Variants in PCDHGB3 observed in about 807,000 individuals in gnomAD.
PCDHGB3 encodes protocadherin gamma-B3.
A neutral mutation model predicts 59.2 loss-of-function variants in PCDHGB3; 40 were observed. The observed-to-expected ratio is 0.68, with a 90% CI of 0.52 to 0.88. The LOEUF (loss-of-function observed/expected upper bound fraction) is 0.88. Among genes scored for constraint, PCDHGB3 ranks in the 40% least tolerant of loss-of-function variants. The probability of loss-of-function intolerance (pLI) is 0.00; values close to 1 mark genes in which losing one functional copy is unlikely to be tolerated. For synonymous variants in PCDHGB3, 581 were observed against 503.6 expected, an observed-to-expected ratio of 1.15 and a Z score of -2.06; for missense variants, 1,309 against 1,187.9, an observed-to-expected ratio of 1.10 and a Z score of -1.50.
Position 141,432,028 on chromosome 5 carries a change from C to T in PCDHGB3, c.2415+59219C>T, listed in dbSNP as rs776543767. ...TTCCTAGCTACAACATCACAGTGAC[C>T]GCCACTGACCGGGGAACCCCGCCCC... On this transcript the variant is annotated intron_variant, in intron 1 of 3. Coordinates refer to ENST00000576222, the MANE Select transcript of PCDHGB3 (RefSeq NM_018924.5). The surrounding 1 kb of genome is among the most constrained non-coding windows in gnomAD (Gnocchi z 6.0). The T allele has an allele frequency of 1.1e-5, 18 of 1,614,050 alleles. No individual in the cohort carries two copies. The highest frequency in any genetic ancestry group is 9.9e-5 in the South Asian group (9 of 91,090).
chr5:141,403,961 G>T (rs763967342), intron 1 of PCDHGB3: 14 of 1,613,774 alleles, frequency 8.7e-6, no homozygotes, highest in Middle Eastern at 1.6e-4. Context: ...GCTCATTTCG[G>T]TGGAAGATGT....
At position 141,487,276 on chromosome 5, in the gene PCDHGB3, C is replaced by G; in HGVS notation, c.2416-7531C>G. On this transcript the variant is annotated intron_variant, in intron 1 of 3. Coordinates refer to ENST00000576222, the MANE Select transcript of PCDHGB3 (RefSeq NM_018924.5). The surrounding 1 kb of genome is among the most constrained non-coding windows in gnomAD (Gnocchi z 5.0). ...TGGCTGTGTCCCTAGTGGCAATTTG[C>G]TTTGTCTCCTTTGGCTCATTCGTGG... 1 of 1,614,158 alleles carries G rather than the reference C, an allele frequency of 6.2e-7. No homozygotes were observed. The highest frequency in any genetic ancestry group is 1.1e-5 in the South Asian group (1 of 91,082).
intron 1 of PCDHGB3, among the ~76,000 whole-genome samples, chr5:141,473,948 A>ACC (rs2099333859): frequency 1.3e-5 from 2 of 152,182 alleles, no homozygotes; most frequent in Non-Finnish European, 2.9e-5. Context: ...TCAGGCCTGT[A>ACC]GTCCCATCTA....
intron 1 of PCDHGB3, among the ~76,000 whole-genome samples, chr5:141,406,616 T>C (rs1226509680): frequency 1.3e-5 from 2 of 152,242 alleles, no homozygotes; most frequent in Non-Finnish European, 2.9e-5. Flanking sequence ...ACATCTTTTA[T>C]TCTCATATCT....
At position 141,476,140 on chromosome 5, in the gene PCDHGB3, C is replaced by A. The variant is rs1410430310; in HGVS notation, c.2416-18667C>A. On this transcript the variant is annotated intron_variant, in intron 1 of 3. Coordinates refer to ENST00000576222, the MANE Select transcript of PCDHGB3 (RefSeq NM_018924.5). The surrounding 1 kb of genome is among the most constrained non-coding windows in gnomAD (Gnocchi z 7.6). ...AGATGGTCCCAGAGGCCTGGAGGAG[C>A]GGACTGGTAAGCACCGGGAGGGTAG... 6 of 1,609,222 alleles carry A rather than the reference C, an allele frequency of 3.7e-6. No homozygotes were observed. The highest frequency in any genetic ancestry group is 5.1e-6 in the Non-Finnish European group (6 of 1,178,484).
chr5:141,394,189 C>G lies in PCDHGB3; in HGVS notation c.2415+21380C>G, dbSNP rs543330174. The stretch of plus-strand genomic sequence containing the variant: ...ACTTTCCCTCATGCCTCCTACTCAG[C>G]GTATATCCTAGAGAACAACCTGAGA... On this transcript the variant is annotated intron_variant, in intron 1 of 3. Coordinates refer to ENST00000576222, the MANE Select transcript of PCDHGB3 (RefSeq NM_018924.5). 4 of 1,613,892 alleles carry G rather than the reference C, an allele frequency of 2.5e-6. No homozygotes were observed. The East Asian group carries it at 6.7e-5, about 27-fold the overall frequency.
intron 1 of PCDHGB3, chr5:141,419,278 A>G: frequency 6.2e-7 from 1 of 1,614,038 alleles, no homozygotes; most frequent in Non-Finnish European, 8.5e-7. Context: ...CCATAGCGCA[A>G]GTCAGTGCCT....
At chr5:141,509,968 C>A (rs1450809995) in intron 3 of PCDHGB3, among the ~76,000 whole-genome samples, 1 of 152,166 alleles carries the variant, frequency 6.6e-6, no homozygotes, top group Non-Finnish European at 1.5e-5. Context: ...TGGCCTTGGT[C>A]CTTCTAACAC....
At chr5:141,392,979 C>T (rs1356713892) in intron 1 of PCDHGB3, 4 of 1,613,718 alleles carry the variant, frequency 2.5e-6, no homozygotes, top group Admixed American at 1.7e-5. Context: ...GGGGCTGGAC[C>T]CCCGGAAGCT....
chr5:141,480,712 A>G (rs559266864), intron 1 of PCDHGB3, among the ~76,000 whole-genome samples: 13 of 152,306 alleles, frequency 8.5e-5, no homozygotes, highest in African/African-American at 2.9e-4. Context: ...CCGACAAATG[A>G]AAGCACAGTC....
In PCDHGB3 at chr5:141,381,826, C is replaced by CTTCTTTTT. The variant is rs1777532522; in HGVS notation, c.2415+9019_2415+9020insCTTTTTTT. 1.5e-3 allele frequency among the ~76,000 whole-genome samples: 109 copies of CTTCTTTTT among 74,300 alleles called. 1 individual carries two copies. Among genetic ancestry groups the CTTCTTTTT allele is most frequent in the African/African-American group, 6.4e-3 (104 of 16,204 alleles). 48.7% of individuals were successfully genotyped at this position (74,300 alleles called of 152,430 possible). On this transcript the variant is annotated intron_variant, in intron 1 of 3. Transcript: ENST00000576222. ...TTTCTTTCTTTCTTTCTTTCTTCTT[C>CTTCTTTTT]TTTTTTTTTTTTTTTTTTTTTTGGC...
chr5:141,388,930 C>G, intron 1 of PCDHGB3: 1 of 1,614,002 alleles, frequency 6.2e-7, no homozygotes, highest in South Asian at 1.1e-5. Flanking sequence ...ATATTCCAGT[C>G]TCTACCCAAC....
intron 1 of PCDHGB3, among the ~76,000 whole-genome samples, chr5:141,463,438 C>CTTTTTTTTT (rs71576115): frequency 4.8e-5 from 5 of 103,252 alleles, no homozygotes; most frequent in African/African-American, 2.2e-4. Context: ...TTTCCTTCTC[C>CTTTTTTTTT]TTTTTTTTTT....
intron 1 of PCDHGB3, chr5:141,384,779 G>T (rs1252058358): frequency 6.2e-7 from 1 of 1,613,592 alleles, no homozygotes; most frequent in Non-Finnish European, 8.5e-7. Context: ...GGCGAGGTGC[G>T]CACGGCTCGG....
intron 1 of PCDHGB3, chr5:141,423,740 G>T: frequency 1.4e-6 from 1 of 698,992 alleles, no homozygotes; most frequent in Non-Finnish European, 1.8e-6. Flanking sequence ...AGCCTGTTAT[G>T]AAAACTGTTT....
At chr5:141,474,090 AAACAACAACAAAAAC>A (rs1459798801) in intron 1 of PCDHGB3, among the ~76,000 whole-genome samples, 1 of 152,206 alleles carries the variant, frequency 6.6e-6, no homozygotes, top group African/African-American at 2.4e-5. Flanking sequence ...ACCAAAAAAC[AAACAACAACAAAAAC>A]AACAACAACG....
At chr5:141,373,914 G>C (rs1769957437) in intron 1 of PCDHGB3, 1 of 640,042 alleles carries the variant, frequency 1.6e-6, no homozygotes, top group African/African-American at 1.9e-5. Flanking sequence ...CAACAACAAA[G>C]CAAATTAGAC....
At chr5:141,375,731 C>T (rs370856492) in intron 1 of PCDHGB3, 146 of 1,614,138 alleles carry the variant, frequency 9.0e-5, no homozygotes, top group Non-Finnish European at 1.2e-4. Context: ...GTCACTGAGC[C>T]TGTTTGTGCT....
rs780788394 is a variant in PCDHGB3 at position 141,491,675 on chromosome 5, C to T, written c.2416-3132C>T. ...GAGCCTGACGCCATCCGGTCCCGCT[C>T]TAATACGCTGCGGGAGCGGAGCCAG... On this transcript the variant is annotated intron_variant, in intron 1 of 3. Transcript: ENST00000576222. The surrounding 1 kb of genome is among the most constrained non-coding windows in gnomAD (Gnocchi z 6.9). 6 of 1,613,450 alleles carry T rather than the reference C, an allele frequency of 3.7e-6. No homozygotes were observed. The African/African-American group carries it at 8.0e-5, about 22-fold the overall frequency.
Sources: allele counts gnomAD v4.1 joint callset (sites outside exome capture counted in the v4.1 genomes callset), GRCh38; gene constraint gnomAD v4.1.1; non-coding constraint Gnocchi (gnomAD v3.1); transcripts MANE v1.5; gene names NCBI Gene and HGNC (gene_info 2026-07-23, HGNC 2026-07-21).